ADAMTS18: variants seen among roughly 807,000 people sequenced by gnomAD.
ADAMTS18 encodes the protein ADAM metallopeptidase with thrombospondin type 1 motif 18, also known as A disintegrin and metalloproteinase with thrombospondin motifs 18.
In ADAMTS18, 157 loss-of-function variants were observed where a neutral mutation model predicts 165.9. The ratio of observed to expected loss-of-function variants is 0.95; its 90% CI spans 0.83 to 1.08. ADAMTS18 has a LOEUF of 1.08. ADAMTS18 is among the 50% of genes least tolerant of loss of function. The pLI is 0.00. For missense variants in ADAMTS18, 2,040 were observed against 1,534.0 expected (o/e 1.33, Z -5.51); for synonymous variants, 782 against 578.2 (o/e 1.35, Z -5.06).
chr16:77,364,280 T>C lies in ADAMTS18; in HGVS notation c.880A>G (p.Asn294Asp). The C allele has an allele frequency of 6.2e-7, 1 of 1,614,058 alleles. No homozygotes were observed. The highest frequency in any genetic ancestry group is 1.7e-5 in the Admixed American group (1 of 59,988). The change falls in exon 5 of 23, where the codon AAT (asparagine) becomes GAT (aspartate). Residue 294 changes from asparagine to aspartate, a missense_variant. By Grantham distance (23) the Asn-to-Asp change is conservative. Transcript: ENST00000282849. Reference protein sequence around the residue: ...RSAGKSQKGLNVETLVVADKK... With the variant: ...RSAGKSQKGLDVETLVVADKK... ...TCTGCCACCACGAGGGTTTCCACAT[T>C]GAGGCCCTTTTGTGATTTTCCAGCT... is the stretch of plus-strand genomic sequence containing the variant.
chr16:77,412,538 T>C (rs2057478599), intron 3 of ADAMTS18, among the ~76,000 whole-genome samples: 1 of 152,150 alleles, frequency 6.6e-6, no homozygotes, highest in Non-Finnish European at 1.5e-5. Flanking sequence ...TAGTCTGTTT[T>C]CATTTTGCTA....
At chr16:77,319,256 T>C (rs544372543) in intron 16 of ADAMTS18, among the ~76,000 whole-genome samples, 11 of 152,212 alleles carry the variant, frequency 7.2e-5, no homozygotes, top group African/African-American at 2.4e-4. Context: ...CAGCATAATA[T>C]AAAAAGTATT....
chr16:77,338,219 T>C (rs11641546), intron 11 of ADAMTS18, among the ~76,000 whole-genome samples: 61,574 of 151,750 alleles, frequency 0.41, 12,937 homozygotes, highest in East Asian at 0.61. Flanking sequence ...TTTTCATACA[T>C]ACATATTTTT....
At chr16:77,415,175 T>C (rs1307872791) in intron 3 of ADAMTS18, among the ~76,000 whole-genome samples, 1 of 152,234 alleles carries the variant, frequency 6.6e-6, no homozygotes, top group Non-Finnish European at 1.5e-5. Context: ...TGTAGGCAAA[T>C]TGCCCATTGC....
intron 10 of ADAMTS18, among the ~76,000 whole-genome samples, chr16:77,352,625 T>C (rs370359517): frequency 9.2e-5 from 14 of 151,856 alleles, no homozygotes; most frequent in African/African-American, 3.1e-4. Flanking sequence ...TAAATGGTGA[T>C]AGTGATGGTG....
At chr16:77,307,376 G>A (rs1305429370) in intron 16 of ADAMTS18, among the ~76,000 whole-genome samples, 2 of 152,178 alleles carry the variant, frequency 1.3e-5, no homozygotes, top group Non-Finnish European at 2.9e-5. Flanking sequence ...GCTATTATGT[G>A]TGAGTGATTG....
At chr16:77,409,924 T>C (rs1022825877) in intron 3 of ADAMTS18, among the ~76,000 whole-genome samples, 1 of 152,160 alleles carries the variant, frequency 6.6e-6, no homozygotes, top group African/African-American at 2.4e-5. Context: ...AATATTACCG[T>C]ACTAGAATTC....
intron 3 of ADAMTS18, among the ~76,000 whole-genome samples, chr16:77,400,273 A>G (rs534427937): frequency 2.6e-5 from 4 of 151,908 alleles, no homozygotes; most frequent in Non-Finnish European, 4.4e-5. Context: ...CCAGCATTAC[A>G]TATCTTCGCA....
chr16:77,344,441 G>A (rs114693932), intron 10 of ADAMTS18, among the ~76,000 whole-genome samples: 1 of 152,086 alleles, frequency 6.6e-6, no homozygotes, highest in African/African-American at 2.4e-5. Flanking sequence ...TTGTCGTATT[G>A]AGTCACCCTC....
intron 3 of ADAMTS18, among the ~76,000 whole-genome samples, chr16:77,376,896 C>T (rs1385548985): frequency 4.9e-5 from 7 of 143,340 alleles, no homozygotes; most frequent in Middle Eastern, 4.1e-3. Context: ...CTCACTGAAA[C>T]CTCTATCTCC....
intron 3 of ADAMTS18, among the ~76,000 whole-genome samples, chr16:77,384,606 A>G (rs1234072636): frequency 6.6e-6 from 1 of 152,138 alleles, no homozygotes; most frequent in Non-Finnish European, 1.5e-5. Flanking sequence ...AGCCATAAAA[A>G]CCAATGTACG....
intron 3 of ADAMTS18, among the ~76,000 whole-genome samples, chr16:77,425,608 T>C (rs1597260117): frequency 6.6e-6 from 1 of 152,224 alleles, no homozygotes. Flanking sequence ...TTAGAATTTC[T>C]TAAGCAAGGG....
chr16:77,315,155 CT>C (rs2055864346), intron 16 of ADAMTS18, among the ~76,000 whole-genome samples: 1 of 151,756 alleles, frequency 6.6e-6, no homozygotes, highest in Non-Finnish European at 1.5e-5. Flanking sequence ...CCATCATGGC[CT>C]AAAAAAAAAT....
chr16:77,309,088 G>A (rs1228019413), intron 16 of ADAMTS18, among the ~76,000 whole-genome samples: 1 of 152,078 alleles, frequency 6.6e-6, no homozygotes, highest in Non-Finnish European at 1.5e-5. Flanking sequence ...GACTTATGTT[G>A]TAGAAAATAA....
intron 10 of ADAMTS18, among the ~76,000 whole-genome samples, chr16:77,349,126 T>C (rs74511424): frequency 0.087 from 13,221 of 152,214 alleles, 771 homozygotes; most frequent in East Asian, 0.25. Flanking sequence ...TTCTAATTAT[T>C]CTCCATTCAT....
intron 2 of ADAMTS18, 107 bp downstream of exon 2, chr16:77,434,311 A>G: frequency 7.8e-7 from 1 of 1,283,134 alleles, no homozygotes; most frequent in Non-Finnish European, 1.1e-6. Flanking sequence ...GACAGCGCAC[A>G]CCTGCCAGGT....
intron 3 of ADAMTS18, among the ~76,000 whole-genome samples, chr16:77,386,737 C>G (rs1025169722): frequency 6.6e-6 from 1 of 152,138 alleles, no homozygotes; most frequent in Non-Finnish European, 1.5e-5. Flanking sequence ...TTATAGCTGT[C>G]AGATCACCTA....
At chr16:77,322,295 C>A in intron 14 of ADAMTS18, 41 bp downstream of exon 14, 1 of 1,607,754 alleles carries the variant, frequency 6.2e-7, no homozygotes. Flanking sequence ...TGATAAAACA[C>A]AAGCATGCTC....
At chr16:77,324,033 T>C (rs2056051058) in intron 13 of ADAMTS18, among the ~76,000 whole-genome samples, 2 of 152,252 alleles carry the variant, frequency 1.3e-5, no homozygotes, top group East Asian at 1.9e-4. Flanking sequence ...TTTAACTTTC[T>C]CCTTATATCT....
Sources: allele counts gnomAD v4.1 joint callset (sites outside exome capture counted in the v4.1 genomes callset), GRCh38; gene constraint gnomAD v4.1.1; transcripts MANE v1.5; gene names NCBI Gene and HGNC (gene_info 2026-07-23, HGNC 2026-07-21).